STK36: variants seen among roughly 807,000 people sequenced by gnomAD.
STK36 encodes serine/threonine kinase 36.
In STK36, 116 loss-of-function variants were observed where a neutral mutation model predicts 142.2. The ratio of observed to expected loss-of-function variants is 0.82; its 90% CI spans 0.70 to 0.95. The LOEUF is 0.95. STK36 is among the 40% of genes least tolerant of loss of function. STK36 has a pLI of 0.00. For missense variants in STK36, 1,422 were observed against 1,617.2 expected, an observed-to-expected ratio of 0.88 and a Z score of 2.07; for synonymous variants, 619 against 641.7, an observed-to-expected ratio of 0.96 and a Z score of 0.53.
chr2:218,672,726 C>A lies in STK36; in HGVS notation c.-89-15C>A. On this transcript the variant is annotated splice_polypyrimidine_tract_variant and intron_variant, in intron 1 of 26. Coordinates refer to ENST00000295709, the MANE Select transcript of STK36 (RefSeq NM_015690.5). ...CAAGGTGGCTAACATTTTTCCTTTC[C>A]CGTGCCCCAACTAGGCGTCCCAGAT... is the stretch of plus-strand genomic sequence containing the variant. 8.8e-7 allele frequency: 1 copy of A among 1,131,920 alleles called. No individual in the cohort carries two copies. Among genetic ancestry groups the A allele is most frequent in the Non-Finnish European group, 1.3e-6 (1 of 764,730 alleles). The allele number at this position is 1,131,920 out of a possible 1,614,324, so 70.1% of individuals were successfully genotyped here. A position where few individuals can be genotyped will look rare whatever the true frequency, so the allele number is the denominator to read the frequency against.
intron 25 of STK36, 77 bp downstream of exon 25, chr2:218,698,078 C>T: frequency 8.8e-6 from 14 of 1,585,198 alleles, no homozygotes; most frequent in Non-Finnish European, 1.2e-5. Context: ...CCCAGCAGCT[C>T]CAGGGCTCTT....
intron 4 of STK36, 24 bp from the exon 5 acceptor site, chr2:218,675,319 T>G: frequency 6.3e-7 from 1 of 1,596,338 alleles, no homozygotes; most frequent in Non-Finnish European, 8.5e-7. Context: ...TTTTTTTTCT[T>G]TCTTCCACCT....
chr2:218,681,608 C>T (rs1173702826), intron 10 of STK36, among the ~76,000 whole-genome samples: 1 of 152,154 alleles, frequency 6.6e-6, no homozygotes, highest in East Asian at 1.9e-4. Flanking sequence ...AAATTTATTT[C>T]TCACAGTTCT....
At chr2:218,699,473 G>T (rs1941366722) in intron 26 of STK36, 125 bp downstream of exon 26, 1 of 1,408,714 alleles carries the variant, frequency 7.1e-7, no homozygotes, top group Admixed American at 2.5e-5. Context: ...TTTCTCCCAG[G>T]GACAGTGTCT....
intron 26 of STK36, among the ~76,000 whole-genome samples, chr2:218,700,047 C>A (rs575073323): frequency 6.6e-6 from 1 of 152,296 alleles, no homozygotes; most frequent in Admixed American, 6.5e-5. Context: ...CCTTAGCCTC[C>A]CGAGTAGCTG....
Position 218,688,831 on chromosome 2 carries a change from G to C in STK36, c.1515G>C (p.Leu505=), listed in dbSNP as rs901259528. Residue 505 remains leucine, a synonymous_variant, in exon 12 of 27, where the codon CTG becomes CTC. Coordinates refer to ENST00000295709, the MANE Select transcript of STK36 (RefSeq NM_015690.5). ...GGGAGGCAGGGCTTCCTGGGCTGCT[G>C]CTGAGTCTACTCAGGCACAGTCAGG... ...FCREAGLPGL[L]LSLLRHSQES... 6.2e-7 allele frequency: 1 copy of C among 1,613,330 alleles called. No individual in the cohort carries two copies. The highest frequency in any genetic ancestry group is 8.5e-7 in the Non-Finnish European group (1 of 1,179,902).
chr2:218,672,766 C>A lies in STK36; in HGVS notation c.-64C>A. The A allele has an allele frequency of 6.5e-7, 1 of 1,543,894 alleles. No individual in the cohort carries two copies. Among genetic ancestry groups the A allele is most frequent in the Admixed American group, 1.7e-5 (1 of 59,626 alleles). ...GCGTCCCAGATGTTGTGGAACTGTC[C>A]CTGGATCTATAGCTCTTCACCGTCT... On this transcript the variant is annotated 5_prime_UTR_variant, in exon 2 of 27. Coordinates refer to ENST00000295709, the MANE Select transcript of STK36 (RefSeq NM_015690.5).
In STK36 at chr2:218,676,062, G is replaced by T. The variant is rs1940228583; in HGVS notation, c.468G>T (p.Val156=). 8 of 1,614,074 alleles carry T rather than the reference G, an allele frequency of 5.0e-6. No individual in the cohort carries two copies. The highest frequency in any genetic ancestry group is 5.9e-6 in the Non-Finnish European group (7 of 1,180,010). The change falls in exon 6 of 27, where the codon GTG becomes GTT. Residue 156 remains valine, a synonymous_variant. Transcript: ENST00000295709. ...FARAMSTNTM[V]LTSIKGTPLY... Reference sequence around the variant, plus strand: ...GGGCTATGAGCACCAATACAATGGTGCTGACATCCATCAAAGGCACACCAC... The same window carrying T: ...GGGCTATGAGCACCAATACAATGGTTCTGACATCCATCAAAGGCACACCAC...
chr2:218,689,834 A>T, intron 12 of STK36, 25 bp from the exon 13 acceptor site: 1 of 1,593,996 alleles, frequency 6.3e-7, no homozygotes, highest in Non-Finnish European at 8.6e-7. Flanking sequence ...CATTGCCCTT[A>T]CTCTCTTCTC....
chr2:218,672,416 G>A (rs1940025271), intron 1 of STK36: 1 of 295,082 alleles, frequency 3.4e-6, no homozygotes. Context: ...GGGTCTGAGA[G>A]CGGGTGCTGA....
intron 6 of STK36, among the ~76,000 whole-genome samples, chr2:218,678,902 G>A (rs775616485): frequency 1.3e-5 from 2 of 152,144 alleles, no homozygotes; most frequent in African/African-American, 4.8e-5. Context: ...TACAAAGTTG[G>A]TGCATTAAAA....
chr2:218,695,643 C>G (rs1353160022), intron 21 of STK36, among the ~76,000 whole-genome samples: 1 of 146,780 alleles, frequency 6.8e-6, no homozygotes, highest in East Asian at 2.0e-4. Flanking sequence ...AAGTGATTCT[C>G]CTGCCTCAGC....
At chr2:218,695,059 A>T (rs1039208633) in intron 21 of STK36, among the ~76,000 whole-genome samples, 1 of 152,136 alleles carries the variant, frequency 6.6e-6, no homozygotes, top group African/African-American at 2.4e-5. Flanking sequence ...AAGGTGGCTG[A>T]CATCCTGTGA....
chr2:218,689,845 CT>C lies in STK36; in HGVS notation c.1561-10del. Reference sequence around the variant, plus strand: ...TTCACATTGCCCTTACTCTCTTCTCCTTTTCCTGGGCAGCAATCTTGGTATG... The same window carrying C: ...TTCACATTGCCCTTACTCTCTTCTCCTTTCCTGGGCAGCAATCTTGGTATG... On this transcript the variant is annotated splice_polypyrimidine_tract_variant and intron_variant, in intron 12 of 26. Transcript: ENST00000295709. The C allele has an allele frequency of 6.2e-7, 1 of 1,604,782 alleles. No homozygotes were observed. Among genetic ancestry groups the C allele is most frequent in the Non-Finnish European group, 8.5e-7 (1 of 1,174,876 alleles).
intron 10 of STK36, among the ~76,000 whole-genome samples, chr2:218,681,351 T>C (rs1461007882): frequency 6.6e-6 from 1 of 152,194 alleles, no homozygotes; most frequent in East Asian, 1.9e-4. Context: ...AATCACAAAC[T>C]CCTGACCTCA....
At position 218,694,209 on chromosome 2, in the gene STK36, G is replaced by A. The variant is rs377684525; in HGVS notation, c.2337-55G>A. On this transcript the variant is annotated intron_variant, in intron 19 of 26. Coordinates refer to ENST00000295709, the MANE Select transcript of STK36 (RefSeq NM_015690.5). This position sits in a 1 kb window ranked among gnomAD's most constrained non-coding sequence, Gnocchi z 4.4. ...CACCATGCAAGGGAGAGGGGAGGCC[G>A]CTTACCAACCTCCTTTAATACTGCT... is the stretch of plus-strand genomic sequence containing the variant. The A allele has an allele frequency of 1.9e-5, 28 of 1,495,364 alleles. No homozygotes were observed. The highest frequency in any genetic ancestry group is 9.0e-5 in the East Asian group (4 of 44,314). The allele number at this position is 1,495,364 out of a possible 1,614,324, so 92.6% of individuals were successfully genotyped here.
chr2:218,697,949 T>G lies in STK36; in HGVS notation c.3005T>G (p.Ile1002Arg). The part of the protein sequence containing the change: ...FALDMDADLL[I>R]GVLADLRDSE... ...CTGGACATGGATGCTGACCTCCTTA[T>G]AGGTGTCTTGGCCGACCTCAGGGAC... The change falls in exon 25 of 27, where the codon ATA becomes AGA. Residue 1002 changes from isoleucine (I) to arginine (R), a missense_variant. Physicochemically the swap from Ile to Arg is moderately conservative, Grantham distance 97. Around this residue, in one of 2 missense-constraint regions of STK36, gnomAD observed 962 missense variants for 1,167.5 expected, o/e 0.82. Coordinates refer to ENST00000295709, the MANE Select transcript of STK36 (RefSeq NM_015690.5). The G allele has an allele frequency of 1.9e-6, 3 of 1,614,216 alleles. No homozygotes were observed. The highest frequency in any genetic ancestry group is 2.5e-6 in the Non-Finnish European group (3 of 1,180,040).
chr2:218,692,554 T>G (rs1007382258), intron 15 of STK36, 29 bp from the exon 16 acceptor site: 9 of 1,597,900 alleles, frequency 5.6e-6, no homozygotes, highest in Non-Finnish European at 7.7e-6. Flanking sequence ...CCTCAGGCCT[T>G]TGGAGTTACT....
rs754330683 is a variant in STK36, at chr2:218,697,611, G to T, written c.2909+1G>T. ...GCTTCCTGAATCAACTGCGCCAGGCGTGAGTTTGAGCTAGAAGAGAGCCAC... is the reference window on the plus strand; with the variant it reads ...GCTTCCTGAATCAACTGCGCCAGGCTTGAGTTTGAGCTAGAAGAGAGCCAC... On this transcript the variant is annotated splice_donor_variant, in intron 24 of 26. Transcript: ENST00000295709. LOFTEE classifies it high-confidence loss of function. 2 of 1,614,108 alleles carry T rather than the reference G, an allele frequency of 1.2e-6. No homozygotes were observed. The highest frequency in any genetic ancestry group is 1.7e-6 in the Non-Finnish European group (2 of 1,180,014).
Sources: gnomAD v4.1 joint callset for allele counts (sites outside exome capture counted in the v4.1 genomes callset) on GRCh38, gnomAD v4.1.1 for gene constraint, gnomAD v4.1.1 regional missense constraint, Gnocchi (gnomAD v3.1) non-coding constraint, MANE v1.5 for transcripts, NCBI Gene and HGNC (gene_info 2026-07-23, HGNC 2026-07-21) for gene names.